Variants in KCNN2 observed in about 807,000 individuals in gnomAD.
KCNN2 encodes small conductance calcium-activated potassium channel protein 2.
In KCNN2, 24 loss-of-function variants were observed where a neutral mutation model predicts 55.5. The observed-to-expected ratio is 0.43, with a 90% confidence interval of 0.31 to 0.61. The LOEUF is 0.61. KCNN2 is among the 20% of genes least tolerant of loss of function. The pLI, the probability that KCNN2 is intolerant of heterozygous loss-of-function variation, is 0.08. For synonymous variants in KCNN2, 431 were observed against 336.1 expected, an observed-to-expected ratio of 1.28 and a Z score of -3.09; for missense variants, 754 against 853.6, an observed-to-expected ratio of 0.88 and a Z score of 1.45.
intron 1 of KCNN2, among the ~76,000 whole-genome samples, chr5:114,141,501 T>C (rs1428248373): frequency 2.0e-5 from 3 of 152,202 alleles, no homozygotes; most frequent in Non-Finnish European, 4.4e-5. Context: ...ATGGTGTATA[T>C]GTGCCACAAT....
At chr5:114,097,681 C>G (rs2721305) in intron 1 of KCNN2, among the ~76,000 whole-genome samples, 4,882 of 152,192 alleles carry the variant, frequency 0.032, 272 homozygotes, top group African/African-American at 0.11. Flanking sequence ...ATATAAAGTT[C>G]CCCATCCACT....
At chr5:114,485,509 T>C (rs528012139) in intron 5 of KCNN2, among the ~76,000 whole-genome samples, 21 of 152,290 alleles carry the variant, frequency 1.4e-4, no homozygotes, top group African/African-American at 5.1e-4. Flanking sequence ...GAAAAAAGCT[T>C]CTGAAAGGTG....
At chr5:114,198,237 A>G (rs908908658) in intron 1 of KCNN2, among the ~76,000 whole-genome samples, 20 of 151,444 alleles carry the variant, frequency 1.3e-4, no homozygotes, top group African/African-American at 4.9e-4. Context: ...TGGCTCCTAT[A>G]TAATATTTAT....
At chr5:114,221,317 T>G (rs1754133370) in intron 1 of KCNN2, among the ~76,000 whole-genome samples, 1 of 152,224 alleles carries the variant, frequency 6.6e-6, no homozygotes, top group Non-Finnish European at 1.5e-5. Context: ...AAGCTGACTG[T>G]AGATGTTTTT....
intron 1 of KCNN2, among the ~76,000 whole-genome samples, chr5:114,083,689 T>C (rs1367693781): frequency 1.3e-5 from 2 of 152,122 alleles, no homozygotes; most frequent in African/African-American, 4.8e-5. Context: ...TTGATACATA[T>C]TGTTAACTAA....
chr5:114,108,160 T>G (rs547449726), intron 1 of KCNN2, among the ~76,000 whole-genome samples: 1 of 152,176 alleles, frequency 6.6e-6, no homozygotes, highest in East Asian at 1.9e-4. Context: ...GTAGACCTTC[T>G]TATTTCATGT....
chr5:114,073,271 G>A (rs1215987255), intron 1 of KCNN2, among the ~76,000 whole-genome samples: 1 of 152,044 alleles, frequency 6.6e-6, no homozygotes, highest in Non-Finnish European at 1.5e-5. Context: ...TAATCCTGTG[G>A]GATGTCTTTA....
intron 2 of KCNN2, among the ~76,000 whole-genome samples, chr5:114,247,723 C>T (rs1561539647): frequency 6.6e-6 from 1 of 151,994 alleles, no homozygotes. Flanking sequence ...TTTAATGAAA[C>T]AAGAGTAAAT....
chr5:114,197,234 T>C (rs1753576001), intron 1 of KCNN2, among the ~76,000 whole-genome samples: 1 of 152,198 alleles, frequency 6.6e-6, no homozygotes, highest in African/African-American at 2.4e-5. Context: ...TTGAGGCTTG[T>C]TTTATGGCTT....
chr5:114,486,606 A>G (rs1747552022), intron 5 of KCNN2: 1 of 488,540 alleles, frequency 2.0e-6, no homozygotes, highest in East Asian at 7.0e-5. Flanking sequence ...CACTGGAAAC[A>G]TGCCCTTCCA....
intron 2 of KCNN2, among the ~76,000 whole-genome samples, chr5:114,265,883 A>G (rs1304196026): frequency 6.6e-6 from 1 of 152,142 alleles, no homozygotes; most frequent in Non-Finnish European, 1.5e-5. Flanking sequence ...AGATTTAATC[A>G]AAGCAAACAT....
intron 1 of KCNN2, among the ~76,000 whole-genome samples, chr5:114,062,027 T>C (rs1031008686): frequency 4.6e-5 from 7 of 152,172 alleles, no homozygotes; most frequent in Non-Finnish European, 7.4e-5. Flanking sequence ...ATCAAATATT[T>C]AGACATCTTC....
At chr5:114,466,014 A>C (rs930882539) in intron 4 of KCNN2, among the ~76,000 whole-genome samples, 1 of 152,168 alleles carries the variant, frequency 6.6e-6, no homozygotes, top group Non-Finnish European at 1.5e-5. Context: ...CATATGGATG[A>C]AAGTGACCTA....
intron 2 of KCNN2, among the ~76,000 whole-genome samples, chr5:114,318,574 G>A (rs1415846437): frequency 1.3e-5 from 2 of 150,926 alleles, no homozygotes; most frequent in African/African-American, 2.4e-5. Flanking sequence ...ATATCATAAT[G>A]TAATTTTGTA....
intron 2 of KCNN2, 79 bp from the exon 3 acceptor site, chr5:114,404,359 G>A: frequency 3.5e-6 from 4 of 1,131,524 alleles, no homozygotes; most frequent in Admixed American, 4.1e-5. Flanking sequence ...GTCATCTGTT[G>A]TGTGTTTTTA....
chr5:114,337,085 G>T (rs1756935732), intron 2 of KCNN2, among the ~76,000 whole-genome samples: 1 of 152,134 alleles, frequency 6.6e-6, no homozygotes, highest in African/African-American at 2.4e-5. Context: ...AGGAGTGGAA[G>T]CAAGAAAACT....
chr5:114,227,162 A>G (rs1037206720), intron 2 of KCNN2, among the ~76,000 whole-genome samples: 1 of 152,008 alleles, frequency 6.6e-6, no homozygotes, highest in African/African-American at 2.4e-5. Flanking sequence ...TAAAATGTAC[A>G]CTCTTTTAGG....
chr5:114,376,444 G>T (rs965469897), intron 2 of KCNN2, among the ~76,000 whole-genome samples: 26 of 152,276 alleles, frequency 1.7e-4, no homozygotes, highest in African/African-American at 6.0e-4. Context: ...GATGGAGGGT[G>T]AGCAGAAGCC....
chr5:114,434,746 C>G (rs1021464352), intron 3 of KCNN2, among the ~76,000 whole-genome samples: 1 of 152,050 alleles, frequency 6.6e-6, no homozygotes, highest in African/African-American at 2.4e-5. Context: ...GGTTTTTTTC[C>G]TCTCCCATTT....
Sources: gnomAD v4.1 joint callset for allele counts (sites outside exome capture counted in the v4.1 genomes callset) on GRCh38, gnomAD v4.1.1 for gene constraint, MANE v1.5 for transcripts, NCBI Gene and HGNC (gene_info 2026-07-23, HGNC 2026-07-21) for gene names.